The following CCDC192 variants were observed in gnomAD, a reference collection of about 807,000 sequenced individuals.
CCDC192 encodes the protein coiled-coil domain-containing protein 192.
intron 3 of CCDC192, among the ~76,000 whole-genome samples, chr5:127,794,364 AT>A (rs1378520281): frequency 6.6e-6 from 1 of 152,184 alleles, no homozygotes; most frequent in Non-Finnish European, 1.5e-5. Flanking sequence ...AAGTCATATA[AT>A]TTTGTTGAAA....
chr5:127,785,232 A>G (rs1756473056), intron 3 of CCDC192: 1 of 518,384 alleles, frequency 1.9e-6, no homozygotes, highest in Admixed American at 2.0e-5. Context: ...GACAGCTGGC[A>G]TAGAAAGCTG....
intron 5 of CCDC192, among the ~76,000 whole-genome samples, chr5:127,819,859 A>G (rs973648583): frequency 5.3e-5 from 8 of 152,206 alleles, no homozygotes; most frequent in Admixed American, 1.3e-4. Context: ...TCCTCTGCAC[A>G]AATGAATAGT....
chr5:127,934,368 A>G (rs1754132746), intron 6 of CCDC192, among the ~76,000 whole-genome samples: 4 of 152,224 alleles, frequency 2.6e-5, no homozygotes, highest in Admixed American at 2.6e-4. Context: ...AGCTAATTTT[A>G]TATACTACAT....
At chr5:127,821,319 T>TA (rs1294422307) in intron 5 of CCDC192, among the ~76,000 whole-genome samples, 1 of 152,242 alleles carries the variant, frequency 6.6e-6, no homozygotes, top group East Asian at 1.9e-4. Flanking sequence ...TGACAGAGGT[T>TA]ATGTTGTCAA....
At chr5:127,737,306 A>G (rs1291747531) in intron 2 of CCDC192, among the ~76,000 whole-genome samples, 1 of 151,886 alleles carries the variant, frequency 6.6e-6, no homozygotes, top group African/African-American at 2.4e-5. Context: ...AGTTTGTTAT[A>G]ATTTCTGTTC....
intron 3 of CCDC192, among the ~76,000 whole-genome samples, chr5:127,791,713 C>T (rs988908906): frequency 2.6e-4 from 40 of 152,308 alleles, no homozygotes; most frequent in African/African-American, 9.4e-4. Flanking sequence ...CTTCAACAAG[C>T]AGCAACAACA....
At chr5:127,816,791 A>T (rs1435612330) in intron 5 of CCDC192, among the ~76,000 whole-genome samples, 1 of 152,196 alleles carries the variant, frequency 6.6e-6, no homozygotes, top group Non-Finnish European at 1.5e-5. Context: ...AAGGTGGGGA[A>T]ATAACCAAGC....
chr5:127,847,821 T>TTAAATAAATAAATAAA lies in CCDC192; in HGVS notation c.412-27698_412-27683dup, dbSNP rs67683440. Among the ~76,000 whole-genome samples the TTAAATAAATAAATAAA allele has an allele frequency of 1.5e-3, 216 of 142,882 alleles. 1 individual carries two copies. The highest frequency in any genetic ancestry group is 3.5e-3 in the Middle Eastern group (1 of 286). 93.7% of individuals were successfully genotyped at this position (142,882 alleles called of 152,430 possible). ...CTGGGCAACAGAGTGAGACTCCATC[T>TTAAATAAATAAATAAA]TAAATAAATAAATAAATAAATAAAT... On this transcript the variant is annotated intron_variant, in intron 5 of 6. Transcript: ENST00000514853.
At position 127,863,656 on chromosome 5, in the gene CCDC192, C is replaced by T. The variant is rs552096924; in HGVS notation, c.412-11882C>T. Among the ~76,000 whole-genome samples, 37 of 152,148 alleles carry T rather than the reference C, an allele frequency of 2.4e-4. 1 individual carries two copies. Among genetic ancestry groups the T allele is most frequent in the Admixed American group, 1.8e-3 (28 of 15,280 alleles). ...ACAATGTGCCTATATGTAATACTAC[C>T]GAACTGTACACTTAGAAACGGTTAA... On this transcript the variant is annotated intron_variant, in intron 5 of 6. Transcript: ENST00000514853.
At chr5:127,709,236 A>C (rs1423975630) in intron 2 of CCDC192, among the ~76,000 whole-genome samples, 1 of 97,838 alleles carries the variant, frequency 1.0e-5, no homozygotes, top group Non-Finnish European at 2.2e-5. Flanking sequence ...AGAGAGAGAG[A>C]GAGAGAGAGA....
rs557271259 is a variant in CCDC192, at chr5:127,780,148, C to T, written c.223-16955C>T. On this transcript the variant is annotated intron_variant, in intron 3 of 6. Coordinates refer to ENST00000514853, the MANE Select transcript of CCDC192 (RefSeq NM_001317938.2). ...ATACACACACATATATATACACACA[C>T]ACATATATACGTATACGCACACACA... Among the ~76,000 whole-genome samples, 21 of 151,984 alleles carry T rather than the reference C, an allele frequency of 1.4e-4. 1 individual carries two copies. The highest frequency in any genetic ancestry group is 2.5e-4 in the Non-Finnish European group (17 of 68,012).
In CCDC192 at chr5:127,729,446, C is replaced by A. The variant is rs192594432; in HGVS notation, c.114+21686C>A. Among the ~76,000 whole-genome samples the A allele has an allele frequency of 1.1e-3, 168 of 152,302 alleles. 1 individual carries two copies. Among genetic ancestry groups the A allele is most frequent in the Non-Finnish European group, 1.8e-3 (123 of 68,016 alleles). On this transcript the variant is annotated intron_variant, in intron 2 of 6. Transcript: ENST00000514853. ...TTGAGACCACACTGTCAATATTAGA[C>A]AGATCACAGATCATAGTGACAGAAC...
intron 5 of CCDC192, among the ~76,000 whole-genome samples, chr5:127,863,758 T>A (rs1232913716): frequency 6.6e-6 from 1 of 152,212 alleles, no homozygotes; most frequent in Admixed American, 6.5e-5. Context: ...AGTTGAAAAG[T>A]CAAATTCCTT....
intron 6 of CCDC192, among the ~76,000 whole-genome samples, chr5:127,936,849 G>A (rs1210601696): frequency 6.6e-6 from 1 of 152,204 alleles, no homozygotes; most frequent in Non-Finnish European, 1.5e-5. Context: ...GCCTATGAGG[G>A]ACCACAGGTG....
chr5:127,906,005 CTG>C (rs1428059580), intron 6 of CCDC192, among the ~76,000 whole-genome samples: 2 of 152,164 alleles, frequency 1.3e-5, no homozygotes, highest in Non-Finnish European at 2.9e-5. Flanking sequence ...TTTTTTATAA[CTG>C]TTTTTTTATT....
At chr5:127,934,012 A>G (rs138820497) in intron 6 of CCDC192, among the ~76,000 whole-genome samples, 1 of 152,276 alleles carries the variant, frequency 6.6e-6, no homozygotes, top group Non-Finnish European at 1.5e-5. Context: ...AGGCACCACA[A>G]CTTCTCAAGG....
intron 3 of CCDC192, 135 bp downstream of exon 3, chr5:127,754,510 CA>C: frequency 2.6e-6 from 1 of 383,976 alleles, no homozygotes. Context: ...CACACACACA[CA>C]CATTGCAGTA....
intron 2 of CCDC192, chr5:127,740,363 A>G (rs756525140): frequency 5.3e-5 from 8 of 152,210 alleles, no homozygotes; most frequent in Non-Finnish European, 1.5e-5. Context: ...TTATAGTATT[A>G]GAATGTACTA....
chr5:127,744,108 A>G (rs972092337), intron 2 of CCDC192, among the ~76,000 whole-genome samples: 164 of 131,146 alleles, frequency 1.3e-3, no homozygotes, highest in Admixed American at 2.3e-3. Context: ...AAAAAAAAAA[A>G]AGGAAAAAAA....
Sources: allele counts gnomAD v4.1 joint callset (sites outside exome capture counted in the v4.1 genomes callset), GRCh38; gene constraint gnomAD v4.1.1; transcripts MANE v1.5; gene names NCBI Gene and HGNC (gene_info 2026-07-23, HGNC 2026-07-21).